Variants in LPIN1 observed in about 807,000 individuals in gnomAD.
The protein encoded by LPIN1 is phosphatidate phosphatase LPIN1.
In LPIN1, 71 loss-of-function variants were observed where a neutral mutation model predicts 107.5. That is an observed-to-expected ratio of 0.66 (90% CI 0.55 to 0.80). The LOEUF is 0.80. LPIN1 is among the 30% of genes least tolerant of loss of function. The pLI, the probability that LPIN1 is intolerant of heterozygous loss-of-function variation, is 0.00. For synonymous variants in LPIN1, 445 were observed against 452.6 expected (o/e 0.98, Z 0.21); for missense variants, 1,043 against 1,160.6 (o/e 0.90, Z 1.47).
chr2:11,693,682 T>C (rs975818226), intron 1 of LPIN1, among the ~76,000 whole-genome samples: 3 of 150,796 alleles, frequency 2.0e-5, no homozygotes, highest in African/African-American at 7.3e-5. Context: ...GGCAATGATA[T>C]TTGCTGTACC....
upstream of LPIN1, among the ~76,000 whole-genome samples, chr2:11,721,128 C>T (rs756536724): frequency 5.3e-5 from 8 of 152,104 alleles, 1 homozygote; most frequent in Admixed American, 6.5e-5. Flanking sequence ...AAATATTGGG[C>T]GGGATGTTAC....
chr2:11,756,168 A>G (rs1668657951), intron 1 of LPIN1, among the ~76,000 whole-genome samples: 1 of 152,220 alleles, frequency 6.6e-6, no homozygotes, highest in Admixed American at 6.5e-5. Context: ...GTTGCTTACC[A>G]TGACATCATT....
At chr2:11,761,847 C>T (rs1317497211) in intron 1 of LPIN1, among the ~76,000 whole-genome samples, 2 of 152,142 alleles carry the variant, frequency 1.3e-5, no homozygotes, top group East Asian at 3.8e-4. Flanking sequence ...ATACAATTTC[C>T]TCTACTCTCA....
In LPIN1 at chr2:11,765,072, G is replaced by C. The variant is rs1280061159; in HGVS notation, c.-9-461G>C. Among the ~76,000 whole-genome samples the C allele has an allele frequency of 2.0e-5, 3 of 150,412 alleles. No individual in the cohort carries two copies. The highest frequency in any genetic ancestry group is 7.3e-5 in the African/African-American group (3 of 40,872). ...GGATCCTGATGGGCCGTGATGGGCTGTGATGGACCCTGGTGGGCTCTGATG... is the reference window on the plus strand; with the variant it reads ...GGATCCTGATGGGCCGTGATGGGCTCTGATGGACCCTGGTGGGCTCTGATG... On this transcript the variant is annotated intron_variant, in intron 1 of 20. Transcript: ENST00000674199. This position sits in a 1 kb window ranked among gnomAD's most constrained non-coding sequence, Gnocchi z 4.4.
At chr2:11,733,811 G>T (rs1161076477) in intron 1 of LPIN1, among the ~76,000 whole-genome samples, 1 of 152,048 alleles carries the variant, frequency 6.6e-6, no homozygotes, top group Non-Finnish European at 1.5e-5. Context: ...TCTTTCCAAG[G>T]ACTGGAGGCC....
chr2:11,804,341 T>G (rs1678276890), intron 15 of LPIN1, 82 bp from the exon 16 acceptor site: 1 of 1,496,874 alleles, frequency 6.7e-7, no homozygotes, highest in Non-Finnish European at 9.3e-7. Context: ...CGAATCCTGC[T>G]TCTCATAGAA....
At chr2:11,748,930 T>C (rs1667381066) in intron 1 of LPIN1, among the ~76,000 whole-genome samples, 1 of 152,110 alleles carries the variant, frequency 6.6e-6, no homozygotes, top group South Asian at 2.1e-4. Context: ...CTGTTTGCAC[T>C]TGCACTTCCT....
chr2:11,792,078 G>T, intron 13 of LPIN1, 72 bp downstream of exon 13: 1 of 1,268,898 alleles, frequency 7.9e-7, no homozygotes, highest in African/African-American at 1.5e-5. Context: ...TGGTTTTCAT[G>T]TACTTACATC....
Position 11,761,148 on chromosome 2 carries a change from T to A in LPIN1, c.-9-4385T>A, listed in dbSNP as rs144904989. Among the ~76,000 whole-genome samples the A allele has an allele frequency of 2.0e-5, 3 of 150,150 alleles. No homozygotes were observed. In the East Asian group the frequency reaches 5.8e-4, roughly 29 times the overall value. On this transcript the variant is annotated intron_variant, in intron 1 of 20. Transcript: ENST00000674199. ...GAAAGAAATTGTACAAAGATGTTAT[T>A]AATACTGCTTGCACGTAGTTTTAGA...
upstream of LPIN1, among the ~76,000 whole-genome samples, chr2:11,744,366 C>T (rs906364259): frequency 7.2e-5 from 11 of 152,212 alleles, no homozygotes; most frequent in African/African-American, 2.2e-4. Context: ...TTGGAAAGTC[C>T]GGTTTCGTTT....
At chr2:11,751,992 A>G (rs1667868046) in intron 1 of LPIN1, among the ~76,000 whole-genome samples, 2 of 152,236 alleles carry the variant, frequency 1.3e-5, no homozygotes, top group Non-Finnish European at 2.9e-5. Context: ...TCAGCCTCAT[A>G]ATATTCCATT....
chr2:11,746,567 C>A, upstream of LPIN1: 1 of 825,806 alleles, frequency 1.2e-6, no homozygotes, highest in Non-Finnish European at 1.5e-6. Context: ...CCCGCCCCTG[C>A]CCTCTGCCCC....
intron 1 of LPIN1, among the ~76,000 whole-genome samples, chr2:11,693,618 C>T (rs1662379260): frequency 1.3e-5 from 2 of 151,590 alleles, no homozygotes; most frequent in Non-Finnish European, 2.9e-5. Context: ...ACAGGGATCA[C>T]ATTTTGCCCT....
intron 1 of LPIN1, among the ~76,000 whole-genome samples, chr2:11,757,898 C>G (rs1304287030): frequency 6.6e-6 from 1 of 152,174 alleles, no homozygotes; most frequent in Non-Finnish European, 1.5e-5. Context: ...AATGGAAACC[C>G]TGTACCCATT....
Position 11,824,787 on chromosome 2 carries a change from C to T in LPIN1, c.2777C>T (p.Ala926Val), listed in dbSNP as rs143650210. Residue 926 changes from alanine to valine, a missense_variant, in exon 21 of 21, where the codon GCG (alanine) becomes GTG (valine). Coordinates refer to ENST00000674199, the MANE Select transcript of LPIN1 (RefSeq NM_001349206.2). ...AACCAGGACATTCATTCTGCCTCAG[C>T]GTAAAATGTCCCAAGCAGCCTCTTG... Reference protein sequence around the residue: ...FENQDIHSASA With the variant: ...FENQDIHSASV The T allele has an allele frequency of 1.7e-5, 27 of 1,614,040 alleles. No homozygotes were observed. The highest frequency in any genetic ancestry group is 8.0e-5 in the African/African-American group (6 of 74,908).
At chr2:11,794,515 A>T (rs1274092734) in intron 13 of LPIN1, among the ~76,000 whole-genome samples, 1 of 152,266 alleles carries the variant, frequency 6.6e-6, no homozygotes, top group African/African-American at 2.4e-5. Context: ...TAATAAAAAA[A>T]CCTAAAGGAT....
intron 12 of LPIN1, among the ~76,000 whole-genome samples, chr2:11,789,837 T>C (rs1401617286): frequency 6.6e-6 from 1 of 152,258 alleles, no homozygotes; most frequent in Non-Finnish European, 1.5e-5. Context: ...CCACATGGGC[T>C]CTGAAACTTA....
At chr2:11,737,681 A>G (rs1041550621) in intron 1 of LPIN1, among the ~76,000 whole-genome samples, 1 of 152,264 alleles carries the variant, frequency 6.6e-6, no homozygotes, top group Non-Finnish European at 1.5e-5. Flanking sequence ...CAAAACCACA[A>G]TGAGATACCA....
At chr2:11,721,263 C>CATGT (rs1237831666), upstream of LPIN1, among the ~76,000 whole-genome samples, 14 of 129,808 alleles carry the variant, frequency 1.1e-4, no homozygotes, top group African/African-American at 4.0e-4. Context: ...GTACTGCATG[C>CATGT]GTGTGTGTGT....
Sources: gnomAD v4.1 joint callset for allele counts (sites outside exome capture counted in the v4.1 genomes callset) on GRCh38, gnomAD v4.1.1 for gene constraint, Gnocchi (gnomAD v3.1) non-coding constraint, MANE v1.5 for transcripts, NCBI Gene and HGNC (gene_info 2026-07-23, HGNC 2026-07-21) for gene names.